LDHAL6A: variants seen among roughly 807,000 people sequenced by gnomAD.
The protein encoded by LDHAL6A is lactate dehydrogenase A like 6A.
A neutral mutation model predicts 28.2 loss-of-function variants in LDHAL6A; 19 were observed. That is an observed-to-expected ratio of 0.67 (90% CI 0.47 to 0.99). LDHAL6A has a LOEUF of 0.99. LDHAL6A is among the 50% of genes least tolerant of loss of function. The probability of loss-of-function intolerance (pLI) is 0.00; values close to 1 mark genes in which losing one functional copy is unlikely to be tolerated. For missense variants in LDHAL6A, 372 were observed against 398.6 expected, an observed-to-expected ratio of 0.93 and a Z score of 0.57; for synonymous variants, 144 against 134.4, an observed-to-expected ratio of 1.07 and a Z score of -0.49.
intron 5 of LDHAL6A, among the ~76,000 whole-genome samples, chr11:18,477,392 G>A (rs1049452362): frequency 2.6e-5 from 4 of 151,836 alleles, no homozygotes; most frequent in African/African-American, 9.7e-5. Context: ...CTGGGAGGTG[G>A]AGGTTGTAGT....
intron 1 of LDHAL6A, among the ~76,000 whole-genome samples, chr11:18,462,209 A>G (rs1261937868): frequency 6.6e-6 from 1 of 152,030 alleles, no homozygotes; most frequent in Non-Finnish European, 1.5e-5. Flanking sequence ...AGAAAGATAC[A>G]TACAAGGCCG....
chr11:18,456,305 G>A lies in LDHAL6A; in HGVS notation c.-376G>A, dbSNP rs1848752071. On this transcript the variant is annotated 5_prime_UTR_variant, in exon 1 of 7. Transcript: ENST00000280706. ...CCTGGAGCTGAGAACTGGAGGTTGG[G>A]GGAACAGCAGGGTAAAGGGGAGAGA... 9.6e-6 allele frequency: 2 copies of A among 208,318 alleles called. No homozygotes were observed. The highest frequency in any genetic ancestry group is 7.2e-5 in the South Asian group (1 of 13,962). 12.9% of individuals were successfully genotyped at this position (208,318 alleles called of 1,614,324 possible).
At chr11:18,457,621 T>C (rs753995882) in intron 1 of LDHAL6A, among the ~76,000 whole-genome samples, 1 of 152,122 alleles carries the variant, frequency 6.6e-6, no homozygotes, top group Non-Finnish European at 1.5e-5. Context: ...CCATGATTCA[T>C]TTTGTCCTAC....
chr11:18,458,678 G>C (rs904770834), intron 1 of LDHAL6A, among the ~76,000 whole-genome samples: 2 of 152,208 alleles, frequency 1.3e-5, no homozygotes, highest in Non-Finnish European at 2.9e-5. Context: ...GGAATTTATT[G>C]TCAGGAATTT....
In LDHAL6A at chr11:18,477,769, A is replaced by AT. The variant is rs1849426784; in HGVS notation, c.834+28dup. 5 of 1,577,218 alleles carry AT rather than the reference A, an allele frequency of 3.2e-6. No individual in the cohort carries two copies. In the South Asian group the frequency reaches 5.9e-5, roughly 19 times the overall value. On this transcript the variant is annotated intron_variant, in intron 6 of 6. Transcript: ENST00000280706. ...GTAGGACATTCATGTTCGAAAAATCATTAACTCAACATAAAATAGGGGGGT... is the reference window on the plus strand; with the variant it reads ...GTAGGACATTCATGTTCGAAAAATCATTTAACTCAACATAAAATAGGGGGGT...
At chr11:18,476,658 ATTC>A in intron 5 of LDHAL6A, 157 bp downstream of exon 5, 1 of 968,558 alleles carries the variant, frequency 1.0e-6, no homozygotes. Flanking sequence ...CAGATTATAA[ATTC>A]TTCAACAGTC....
chr11:18,475,402 G>A (rs1273207229), intron 3 of LDHAL6A, 64 bp from the exon 4 acceptor site: 2 of 1,313,638 alleles, frequency 1.5e-6, no homozygotes, highest in African/African-American at 2.9e-5. Flanking sequence ...TTTAAGTTAG[G>A]TAAATCTAAA....
chr11:18,464,977 G>GTTTTTTTTTTTTTTTTTTTTT lies in LDHAL6A; in HGVS notation c.245-651_245-650insTTTTTTTTTTTTTTTTTTTTT, dbSNP rs67628824. On this transcript the variant is annotated intron_variant, in intron 2 of 6. Coordinates refer to ENST00000280706, the MANE Select transcript of LDHAL6A (RefSeq NM_144972.5). ...TTTTAGGAGGTGAGGTGTTTTTTTT[G>GTTTTTTTTTTTTTTTTTTTTT]TTTTTTTTTGTTTTGTTTTGTTTTG... is the stretch of plus-strand genomic sequence containing the variant. Among the ~76,000 whole-genome samples, 143 of 125,492 alleles carry GTTTTTTTTTTTTTTTTTTTTT rather than the reference G, an allele frequency of 1.1e-3. 9 individuals are homozygous for GTTTTTTTTTTTTTTTTTTTTT. Among genetic ancestry groups the GTTTTTTTTTTTTTTTTTTTTT allele is most frequent in the African/African-American group, 1.3e-3 (40 of 29,794 alleles). The allele number at this position is 125,492 out of a possible 152,430, so 82.3% of individuals were successfully genotyped here. A position where few individuals can be genotyped will look rare whatever the true frequency, so the allele number is the denominator to read the frequency against.
At chr11:18,465,388 G>C (rs1849038748) in intron 2 of LDHAL6A, among the ~76,000 whole-genome samples, 1 of 150,510 alleles carries the variant, frequency 6.6e-6, no homozygotes, top group South Asian at 2.1e-4. Context: ...CTCCCAAAGT[G>C]CTGGGATTAC....
chr11:18,478,943 A>G lies in LDHAL6A; in HGVS notation c.*73A>G, dbSNP rs1849466416. ...GGAATTGTATATGTCAAACTTTTGA[A>G]TAAATTTGAATTTCTAAAAGTTGGA... On this transcript the variant is annotated 3_prime_UTR_variant, in exon 7 of 7. Transcript: ENST00000280706. The G allele has an allele frequency of 1.6e-6, 2 of 1,260,704 alleles. No homozygotes were observed. The highest frequency in any genetic ancestry group is 4.5e-5 in the Admixed American group (2 of 44,752). 78.1% of individuals were successfully genotyped at this position (1,260,704 alleles called of 1,614,324 possible). A position where few individuals can be genotyped will look rare whatever the true frequency, so the allele number is the denominator to read the frequency against.
At position 18,464,208 on chromosome 11, in the gene LDHAL6A, C is replaced by T. The variant is rs1848992850; in HGVS notation, c.244+130C>T. 29 of 612,162 alleles carry T rather than the reference C, an allele frequency of 4.7e-5. No homozygotes were observed. The South Asian group carries it at 5.3e-4, about 11-fold the overall frequency. The allele number at this position is 612,162 out of a possible 1,614,324, so 37.9% of individuals were successfully genotyped here. A position where few individuals can be genotyped will look rare whatever the true frequency, so the allele number is the denominator to read the frequency against. On this transcript the variant is annotated intron_variant, in intron 2 of 6. Transcript: ENST00000280706. ...CTGGTTGCTCCCTACTCTGTACTCT[C>T]ATAACGTGTTCAGATTCCTTGGGTT... is the stretch of plus-strand genomic sequence containing the variant.
intron 3 of LDHAL6A, among the ~76,000 whole-genome samples, chr11:18,467,945 A>ATATATATACG (rs1565071185): frequency 2.6e-5 from 1 of 38,530 alleles, no homozygotes; most frequent in Non-Finnish European, 4.7e-5. Flanking sequence ...ATACACACAC[A>ATATATATACG]TATATATATA....
chr11:18,460,052 G>C (rs1169857517), intron 1 of LDHAL6A, among the ~76,000 whole-genome samples: 1 of 152,192 alleles, frequency 6.6e-6, no homozygotes. Context: ...TTGTAATGCA[G>C]CTTAGACTTC....
At chr11:18,458,289 A>G (rs1251748150) in intron 1 of LDHAL6A, among the ~76,000 whole-genome samples, 1 of 152,190 alleles carries the variant, frequency 6.6e-6, no homozygotes, top group East Asian at 1.9e-4. Context: ...TTCCATTGCA[A>G]CTGGTGATGG....
rs151221005 is a variant in LDHAL6A at position 18,465,653 on chromosome 11, A to C, written c.261A>C (p.Ala87=). ...IVSSKDYLVT[A]NSNLVIITAG... is the part of the protein sequence containing the mutation. ...TTTCCTCAGATTACCTGGTCACTGC[A>C]AACTCCAATCTAGTGATTATCACAG... Residue 87 remains alanine (A), a synonymous_variant, in exon 3 of 7, where the codon GCA becomes GCC. Transcript: ENST00000280706. 18 of 1,613,262 alleles carry C rather than the reference A, an allele frequency of 1.1e-5. No individual in the cohort carries two copies. The African/African-American group carries it at 2.1e-4, about 19-fold the overall frequency.
At chr11:18,456,972 C>T (rs1848775875) in intron 1 of LDHAL6A, among the ~76,000 whole-genome samples, 166 bp downstream of exon 1, 1 of 152,044 alleles carries the variant, frequency 6.6e-6, no homozygotes, top group Non-Finnish European at 1.5e-5. Flanking sequence ...GAGGGCGCTC[C>T]TTTTTAAAAA....
At chr11:18,473,189 T>C (rs1352994873) in intron 3 of LDHAL6A, among the ~76,000 whole-genome samples, 2 of 152,214 alleles carry the variant, frequency 1.3e-5, no homozygotes, top group African/African-American at 4.8e-5. Flanking sequence ...ATTTATACCA[T>C]TTTTACCCAG....
In LDHAL6A at chr11:18,467,984, TATATATGC is replaced by T. The variant is rs1565071476; in HGVS notation, c.418+2181_418+2188del. 3.3e-3 allele frequency among the ~76,000 whole-genome samples: 147 copies of T among 45,204 alleles called. 7 individuals carry two copies. The highest frequency in any genetic ancestry group is 0.014 in the African/African-American group (112 of 8,264). The allele number at this position is 45,204 out of a possible 152,430, so 29.7% of individuals were successfully genotyped here. ...ATATATATACGTATATATATACGTA[TATATATGC>T]ATATATATACGTATATATATACATA... On this transcript the variant is annotated intron_variant, in intron 3 of 6. Transcript: ENST00000280706.
At chr11:18,460,025 C>G (rs1217871433) in intron 1 of LDHAL6A, among the ~76,000 whole-genome samples, 2 of 152,160 alleles carry the variant, frequency 1.3e-5, no homozygotes, top group Admixed American at 1.3e-4. Flanking sequence ...TGATGTTGAC[C>G]TCAGTTACCT....
Sources: gnomAD v4.1 joint callset for allele counts (sites outside exome capture counted in the v4.1 genomes callset) on GRCh38, gnomAD v4.1.1 for gene constraint, MANE v1.5 for transcripts, NCBI Gene and HGNC (gene_info 2026-07-23, HGNC 2026-07-21) for gene names.